Variants in TENT2 observed in about 807,000 individuals in gnomAD.
TENT2 encodes the protein poly(A) RNA polymerase GLD2.
A neutral mutation model predicts 72.2 loss-of-function variants in TENT2; 44 were observed. The ratio of observed to expected loss-of-function variants is 0.61; its 90% CI spans 0.48 to 0.78. TENT2 has a LOEUF of 0.78. Ranked by LOEUF, TENT2 falls within the 30% of genes least tolerant of loss-of-function variation. The pLI, the probability that TENT2 is intolerant of heterozygous loss-of-function variation, is 0.00. For synonymous variants in TENT2, 212 were observed against 192.5 expected, an observed-to-expected ratio of 1.10 and a Z score of -0.84; for missense variants, 541 against 569.6, an observed-to-expected ratio of 0.95 and a Z score of 0.51.
At chr5:79,663,121 C>T (rs1347374822) in intron 11 of TENT2, among the ~76,000 whole-genome samples, 1 of 152,228 alleles carries the variant, frequency 6.6e-6, no homozygotes, top group East Asian at 1.9e-4. Flanking sequence ...AACTTTTCTT[C>T]TGCAGCTTCC....
chr5:79,645,051 A>T (rs1035166800), intron 7 of TENT2, 72 bp from the exon 8 acceptor site: 16 of 1,230,066 alleles, frequency 1.3e-5, no homozygotes, highest in African/African-American at 1.1e-4. Context: ...ACTATTTTTT[A>T]AAAAATGTGC....
chr5:79,661,589 C>T (rs1428910259), intron 11 of TENT2, among the ~76,000 whole-genome samples: 2 of 152,204 alleles, frequency 1.3e-5, no homozygotes, highest in Admixed American at 1.3e-4. Flanking sequence ...CATGTAGTCT[C>T]TTAAGTGTGC....
intron 12 of TENT2, among the ~76,000 whole-genome samples, chr5:79,670,935 A>C (rs1009499814): frequency 6.6e-6 from 1 of 151,576 alleles, no homozygotes; most frequent in African/African-American, 2.4e-5. Flanking sequence ...CCAAAACTAC[A>C]TTCTTAATTG....
rs903445236 is a variant in TENT2 at position 79,612,955 on chromosome 5, C to T, written c.-158C>T. 4.6e-5 allele frequency: 7 copies of T among 152,238 alleles called. No individual in the cohort carries two copies. Among genetic ancestry groups the T allele is most frequent in the Admixed American group, 4.6e-4 (7 of 15,270 alleles). 9.4% of individuals were successfully genotyped at this position (152,238 alleles called of 1,614,324 possible). A position where few individuals can be genotyped will look rare whatever the true frequency, so the allele number is the denominator to read the frequency against. ...TACATTTTGAAGAATCTTAGGACCG[C>T]TTACTTTGCTTACTCGTTTTCTATT... On this transcript the variant is annotated 5_prime_UTR_variant, in exon 1 of 15. Coordinates refer to ENST00000453514, the MANE Select transcript of TENT2 (RefSeq NM_001114394.3).
chr5:79,643,406 A>G (rs1441914860), intron 7 of TENT2, among the ~76,000 whole-genome samples: 1 of 152,198 alleles, frequency 6.6e-6, no homozygotes, highest in African/African-American at 2.4e-5. Context: ...ATTTTATTTT[A>G]CGATTTTACT....
At chr5:79,675,906 A>T (rs1816916011) in intron 12 of TENT2, among the ~76,000 whole-genome samples, 1 of 152,068 alleles carries the variant, frequency 6.6e-6, no homozygotes, top group Non-Finnish European at 1.5e-5. Context: ...TAAGGTGTGT[A>T]CTCTAGCATT....
At chr5:79,685,049 C>T (rs1825532615) in intron 14 of TENT2, 150 bp from the exon 15 acceptor site, 2 of 608,116 alleles carry the variant, frequency 3.3e-6, no homozygotes, top group Non-Finnish European at 5.6e-6. Flanking sequence ...CAGAGTGAGA[C>T]CTTATCTCAA....
chr5:79,641,017 A>T (rs781570996), intron 5 of TENT2, 52 bp downstream of exon 5: 594 of 1,485,934 alleles, frequency 4.0e-4, no homozygotes, highest in Non-Finnish European at 4.9e-4. Flanking sequence ...CCTATTTTAA[A>T]TTTTATCTTT....
intron 7 of TENT2, among the ~76,000 whole-genome samples, chr5:79,644,181 C>T (rs1273231147): frequency 6.6e-6 from 1 of 152,070 alleles, no homozygotes; most frequent in African/African-American, 2.4e-5. Flanking sequence ...AGGGTTTCGC[C>T]ATGTTGGCCA....
rs143651993 is a variant in TENT2 at position 79,623,381 on chromosome 5, A to G, written c.357A>G (p.Pro119=). Residue 119 remains proline (P), a synonymous_variant, in exon 4 of 15, where the codon CCA becomes CCG. Coordinates refer to ENST00000453514, the MANE Select transcript of TENT2 (RefSeq NM_001114394.3). ...LSGERRYSMP[P]LFHTHYVPDI... ...GTGAACGAAGATACTCAATGCCACC[A>G]TTGTTTCATACACATTATGTACCAG... 26 of 1,613,454 alleles carry G rather than the reference A, an allele frequency of 1.6e-5. No individual in the cohort carries two copies. The African/African-American group carries it at 3.2e-4, about 20-fold the overall frequency.
chr5:79,678,720 T>C (rs1434772930), intron 12 of TENT2, among the ~76,000 whole-genome samples: 1 of 152,174 alleles, frequency 6.6e-6, no homozygotes, highest in Non-Finnish European at 1.5e-5. Context: ...TCCACTTCTA[T>C]CGAAAATTTC....
At chr5:79,664,085 T>A (rs1377277709) in intron 11 of TENT2, among the ~76,000 whole-genome samples, 3 of 152,128 alleles carry the variant, frequency 2.0e-5, no homozygotes, top group South Asian at 4.1e-4. Flanking sequence ...CTAGAGATGA[T>A]TTAAAGTATA....
rs756653423 is a variant in TENT2, at chr5:79,662,188, C to T, written c.1071+5187C>T. Among the ~76,000 whole-genome samples, 61 of 152,232 alleles carry T rather than the reference C, an allele frequency of 4.0e-4. 1 individual carries two copies. Among genetic ancestry groups the T allele is most frequent in the Non-Finnish European group, 4.4e-5 (3 of 68,044 alleles). Reference sequence around the variant, plus strand: ...GTTTTATCATGAAATTGCAGCAGTTCAGTCACATCTTCAGGTTCCACTGCT... The same window carrying T: ...GTTTTATCATGAAATTGCAGCAGTTTAGTCACATCTTCAGGTTCCACTGCT... On this transcript the variant is annotated intron_variant, in intron 11 of 14. Coordinates refer to ENST00000453514, the MANE Select transcript of TENT2 (RefSeq NM_001114394.3).
At chr5:79,628,916 C>G (rs1451027134) in intron 4 of TENT2, among the ~76,000 whole-genome samples, 1 of 152,164 alleles carries the variant, frequency 6.6e-6, no homozygotes, top group Non-Finnish European at 1.5e-5. Flanking sequence ...CGGCTAGATG[C>G]TGCTGCAGGG....
At chr5:79,648,964 A>G in intron 9 of TENT2, 98 bp from the exon 10 acceptor site, 1 of 1,299,074 alleles carries the variant, frequency 7.7e-7, no homozygotes, top group South Asian at 1.4e-5. Context: ...ATACACGGAG[A>G]CAGTGTTCTT....
Position 79,687,139 on chromosome 5 carries a change from C to A in TENT2, c.*1866C>A, listed in dbSNP as rs939313985. Among the ~76,000 whole-genome samples the A allele has an allele frequency of 7.4e-6, 1 of 134,690 alleles. No individual in the cohort carries two copies. Among genetic ancestry groups the A allele is most frequent in the Non-Finnish European group, 1.6e-5 (1 of 61,644 alleles). The allele number at this position is 134,690 out of a possible 152,430, so 88.4% of individuals were successfully genotyped here. A position where few individuals can be genotyped will look rare whatever the true frequency, so the allele number is the denominator to read the frequency against. On this transcript the variant is annotated 3_prime_UTR_variant, in exon 15 of 15. Coordinates refer to ENST00000453514, the MANE Select transcript of TENT2 (RefSeq NM_001114394.3). ...TGGCCCCACACTTACTACTGCTTTT[C>A]TTTGTTTTACCACGAAAAACAGATC... is the stretch of plus-strand genomic sequence containing the variant.
rs1822092821 is a variant in TENT2 at position 79,681,733 on chromosome 5, ACAC to A, written c.1301-247_1301-245del. ...TCCACATTTATGATTTAGACTTAAC[ACAC>A]CTATGCTGATGACTTTCATTTTTGA... On this transcript the variant is annotated intron_variant, in intron 13 of 14. Coordinates refer to ENST00000453514, the MANE Select transcript of TENT2 (RefSeq NM_001114394.3). The A allele has an allele frequency of 7.3e-5, 22 of 300,752 alleles. No homozygotes were observed. In the East Asian group the frequency reaches 1.2e-3, roughly 16 times the overall value. 18.6% of individuals were successfully genotyped at this position (300,752 alleles called of 1,614,324 possible). A position where few individuals can be genotyped will look rare whatever the true frequency, so the allele number is the denominator to read the frequency against.
chr5:79,648,440 T>G (rs944632936), intron 8 of TENT2, among the ~76,000 whole-genome samples, 177 bp from the exon 9 acceptor site: 1 of 152,254 alleles, frequency 6.6e-6, no homozygotes, highest in East Asian at 1.9e-4. Context: ...AATAACATAC[T>G]GAGTATTTGT....
chr5:79,633,527 G>A (rs1362199527), intron 4 of TENT2, among the ~76,000 whole-genome samples: 2 of 134,262 alleles, frequency 1.5e-5, no homozygotes, highest in African/African-American at 2.8e-5. Flanking sequence ...TGCAATCTCC[G>A]TCTCCTGGGT....
Sources: allele counts gnomAD v4.1 joint callset (sites outside exome capture counted in the v4.1 genomes callset), GRCh38; gene constraint gnomAD v4.1.1; transcripts MANE v1.5; gene names NCBI Gene and HGNC (gene_info 2026-07-23, HGNC 2026-07-21).